The following PRKCE variants were observed in gnomAD, a reference collection of about 807,000 sequenced individuals.
PRKCE encodes the protein protein kinase C epsilon type.
PRKCE carries 16 observed loss-of-function variants against 85.4 expected under a neutral mutation model. That is an observed-to-expected ratio of 0.19 (90% CI 0.13 to 0.28). The LOEUF (loss-of-function observed/expected upper bound fraction) is 0.28, where lower values mean the gene tolerates loss of function less well. PRKCE is among the 10% of genes least tolerant of loss of function. The pLI, the probability that PRKCE is intolerant of heterozygous loss-of-function variation, is 1.00. For synonymous variants in PRKCE, 388 were observed against 371.5 expected (o/e 1.04, Z -0.51); for missense variants, 573 against 975.2 (o/e 0.59, Z 5.49).
Position 46,079,035 on chromosome 2 carries a change from G to C in PRKCE, c.1438-7173G>C, listed in dbSNP as rs145686993. 7.1e-3 allele frequency among the ~76,000 whole-genome samples: 1,073 copies of C among 152,070 alleles called. 8 individuals are homozygous for C. The highest frequency in any genetic ancestry group is 1.0e-2 in the Non-Finnish European group (677 of 68,006). ...CTACTAAAAATACAAAAATTAGCAAGGTGTGGTGGCGTGTGCCTGTAGTCC... is the reference window on the plus strand; with the variant it reads ...CTACTAAAAATACAAAAATTAGCAACGTGTGGTGGCGTGTGCCTGTAGTCC... On this transcript the variant is annotated intron_variant, in intron 10 of 14. Transcript: ENST00000306156.
At chr2:45,951,520 G>A (rs999919117) in intron 2 of PRKCE, among the ~76,000 whole-genome samples, 8 of 152,168 alleles carry the variant, frequency 5.3e-5, no homozygotes, top group Non-Finnish European at 1.2e-4. Context: ...CAGCCCTTTT[G>A]GCTTGGGGCC....
chr2:45,677,964 A>G (rs946542046), intron 1 of PRKCE: 1 of 870,596 alleles, frequency 1.1e-6, no homozygotes, highest in Admixed American at 6.2e-5. Flanking sequence ...TGCCACTGTG[A>G]TGTAAATATC....
chr2:45,726,795 G>A (rs1183021746), intron 1 of PRKCE, among the ~76,000 whole-genome samples: 1 of 152,114 alleles, frequency 6.6e-6, no homozygotes, highest in African/African-American at 2.4e-5. Flanking sequence ...TCGGTCATCA[G>A]CCCTCCTGTT....
chr2:45,729,676 C>T (rs1307437885), intron 1 of PRKCE, among the ~76,000 whole-genome samples: 2 of 152,174 alleles, frequency 1.3e-5, no homozygotes, highest in East Asian at 3.8e-4. Context: ...GCTGTATCCT[C>T]CATGGGGGCT....
At chr2:46,028,767 G>A (rs943343386) in intron 10 of PRKCE, among the ~76,000 whole-genome samples, 25 of 152,114 alleles carry the variant, frequency 1.6e-4, no homozygotes, top group African/African-American at 6.0e-4. Context: ...CATCACCCAG[G>A]TATTAAGCTT....
intron 11 of PRKCE, among the ~76,000 whole-genome samples, chr2:46,121,108 G>T (rs1219899568): frequency 7.2e-5 from 11 of 152,188 alleles, no homozygotes; most frequent in Admixed American, 5.9e-4. Context: ...GAGATAAATT[G>T]TGTTTCAACC....
intron 10 of PRKCE, among the ~76,000 whole-genome samples, chr2:46,014,514 T>C (rs756181653): frequency 6.6e-6 from 1 of 152,192 alleles, no homozygotes. Flanking sequence ...TAGAAGACTT[T>C]TAAGTGGGTA....
At chr2:46,078,062 A>G (rs1668710455) in intron 10 of PRKCE, 1 of 152,256 alleles carries the variant, frequency 6.6e-6, no homozygotes, top group Admixed American at 6.5e-5. Context: ...AAGGAAGTGT[A>G]GTAGTGAGGA....
chr2:45,760,078 G>A (rs1684336056), intron 1 of PRKCE, among the ~76,000 whole-genome samples: 1 of 152,180 alleles, frequency 6.6e-6, no homozygotes, highest in Admixed American at 6.5e-5. Flanking sequence ...ATTACAGGAG[G>A]GAGCAATCTC....
chr2:45,773,904 G>A (rs1685547180), intron 1 of PRKCE, among the ~76,000 whole-genome samples: 1 of 152,202 alleles, frequency 6.6e-6, no homozygotes, highest in Non-Finnish European at 1.5e-5. Flanking sequence ...AGCTGCCCAA[G>A]GCTGCCCTCC....
rs985218373 is a variant in PRKCE, at chr2:46,186,364, C to G, written c.*1483C>G. ...AAAGTGGCACTAATGAAGCTTTTGC[C>G]TTTTGTACATTTGAGATTTTTGTAT... On this transcript the variant is annotated 3_prime_UTR_variant, in exon 15 of 15. Coordinates refer to ENST00000306156, the MANE Select transcript of PRKCE (RefSeq NM_005400.3). 6.6e-6 allele frequency: 1 copy of G among 152,434 alleles called. No homozygotes were observed. Among genetic ancestry groups the G allele is most frequent in the Admixed American group, 6.5e-5 (1 of 15,270 alleles). The allele number at this position is 152,434 out of a possible 1,614,324, so 9.4% of individuals were successfully genotyped here. A position where few individuals can be genotyped will look rare whatever the true frequency, so the allele number is the denominator to read the frequency against.
chr2:45,907,894 C>G lies in PRKCE; in HGVS notation c.412+64831C>G, dbSNP rs907466466. Among the ~76,000 whole-genome samples the G allele has an allele frequency of 6.6e-6, 1 of 152,200 alleles. No individual in the cohort carries two copies. The highest frequency in any genetic ancestry group is 1.9e-4 in the East Asian group (1 of 5,200). ...AACAGTGCCTGGTATCTATGTTAAA[C>G]AAAACGCCTTGTCCAGAATGATCTC... On this transcript the variant is annotated intron_variant, in intron 2 of 14. Transcript: ENST00000306156. This position sits in a 1 kb window ranked among gnomAD's most constrained non-coding sequence, Gnocchi z 4.5.
At chr2:46,100,183 G>T (rs1313061321) in intron 11 of PRKCE, among the ~76,000 whole-genome samples, 2 of 152,126 alleles carry the variant, frequency 1.3e-5, no homozygotes, top group Admixed American at 6.5e-5. Context: ...GGCTCCAGAA[G>T]GTAACTGATC....
intron 3 of PRKCE, chr2:45,977,994 G>C (rs1392547591): frequency 6.6e-6 from 1 of 152,176 alleles, no homozygotes; most frequent in Non-Finnish European, 1.5e-5. Flanking sequence ...TTGGATTCCA[G>C]GTGTCCAGTA....
chr2:46,003,139 T>C (rs1704845423), intron 7 of PRKCE, among the ~76,000 whole-genome samples: 1 of 152,198 alleles, frequency 6.6e-6, no homozygotes, highest in African/African-American at 2.4e-5. Context: ...AAAAACCAAG[T>C]TGTAACTCAA....
chr2:46,089,733 C>G (rs73926182), intron 11 of PRKCE, among the ~76,000 whole-genome samples: 8,509 of 152,012 alleles, frequency 0.056, 786 homozygotes, highest in African/African-American at 0.19. Flanking sequence ...AGATGCTTTT[C>G]TGCCCAGAGG....
At chr2:46,137,438 C>G (rs1249403089) in intron 11 of PRKCE, among the ~76,000 whole-genome samples, 1 of 152,050 alleles carries the variant, frequency 6.6e-6, no homozygotes, top group Non-Finnish European at 1.5e-5. Context: ...ATTCTAGACA[C>G]ATTGCTAGAG....
chr2:45,964,759 A>G (rs999555679), intron 2 of PRKCE, among the ~76,000 whole-genome samples: 1 of 152,196 alleles, frequency 6.6e-6, no homozygotes, highest in Non-Finnish European at 1.5e-5. Context: ...GGGCAGTGAG[A>G]TTGGGGTTTG....
intron 2 of PRKCE, among the ~76,000 whole-genome samples, chr2:45,867,527 CT>C (rs1447179286): frequency 6.6e-6 from 1 of 152,082 alleles, no homozygotes; most frequent in Admixed American, 6.5e-5. Context: ...CATGGGACTG[CT>C]TTTATTTGGG....
Sources: gnomAD v4.1 joint callset for allele counts (sites outside exome capture counted in the v4.1 genomes callset) on GRCh38, gnomAD v4.1.1 for gene constraint, Gnocchi (gnomAD v3.1) non-coding constraint, MANE v1.5 for transcripts, NCBI Gene and HGNC (gene_info 2026-07-23, HGNC 2026-07-21) for gene names.